ABCD4: variants seen among roughly 807,000 people sequenced by gnomAD.
The protein encoded by ABCD4 is lysosomal cobalamin transporter ABCD4.
Under a neutral mutation model 86.3 loss-of-function variants are expected in ABCD4, and 53 were observed. That is an observed-to-expected ratio of 0.61 (90% CI 0.49 to 0.77). The LOEUF (loss-of-function observed/expected upper bound fraction) is 0.77. Ranked by LOEUF, ABCD4 falls within the 30% of genes least tolerant of loss-of-function variation. The pLI is 0.00. For synonymous variants in ABCD4, 328 were observed against 313.6 expected, an observed-to-expected ratio of 1.05 and a Z score of -0.49; for missense variants, 757 against 764.5, an observed-to-expected ratio of 0.99 and a Z score of 0.12.
rs2083917821 is a variant in ABCD4 at position 74,299,949 on chromosome 14, G to C, written c.157+201C>G. The C allele has an allele frequency of 5.1e-6, 3 of 585,748 alleles. No homozygotes were observed. In the South Asian group the frequency reaches 6.3e-5, roughly 12 times the overall value. 36.3% of individuals were successfully genotyped at this position (585,748 alleles called of 1,614,324 possible). On this transcript the variant is annotated intron_variant, in intron 2 of 18. Coordinates refer to ENST00000356924, the MANE Select transcript of ABCD4 (RefSeq NM_005050.4). ...GTGGTGGTGGGTGCTTGTAATCCCA[G>C]CTACTCAGGAGGCGAAGGCAGGAGA...
chr14:74,293,941 G>A (rs1302090771), intron 7 of ABCD4: 1 of 152,238 alleles, frequency 6.6e-6, no homozygotes, highest in Non-Finnish European at 1.5e-5. Flanking sequence ...AAGGTGGAGG[G>A]AGATTTCAGA....
rs1396027480 is a variant in ABCD4 at position 74,300,238 on chromosome 14, C to A, written c.69G>T (p.Arg23=). The part of the protein sequence containing the change: ...RPRLDLQFLQ[R]FLQILKVLFP... ...ACAAAACCTTCAGTATCTGCAGGAA[C>A]CGCTGGAGAAATTGCAGATCTAACC... The change falls in exon 2 of 19, where the codon CGG becomes CGT. Residue 23 remains arginine (R), a synonymous_variant. Coordinates refer to ENST00000356924, the MANE Select transcript of ABCD4 (RefSeq NM_005050.4). 1 of 1,613,504 alleles carries A rather than the reference C, an allele frequency of 6.2e-7. No individual in the cohort carries two copies. Among genetic ancestry groups the A allele is most frequent in the Non-Finnish European group, 8.5e-7 (1 of 1,179,670 alleles).
At chr14:74,290,556 G>A in intron 11 of ABCD4, 57 bp from the exon 12 acceptor site, 1 of 1,373,420 alleles carries the variant, frequency 7.3e-7, no homozygotes, top group South Asian at 1.2e-5. Flanking sequence ...TATTGCTGTG[G>A]GGGAGGCACT....
At position 74,293,458 on chromosome 14, in the gene ABCD4, A is replaced by G. The variant is rs564384173; in HGVS notation, c.720-210T>C. The G allele has an allele frequency of 3.5e-4, 166 of 474,828 alleles. No individual in the cohort carries two copies. The East Asian group carries it at 5.5e-3, about 16-fold the overall frequency. The allele number at this position is 474,828 out of a possible 1,614,324, so 29.4% of individuals were successfully genotyped here. A position where few individuals can be genotyped will look rare whatever the true frequency, so the allele number is the denominator to read the frequency against. On this transcript the variant is annotated intron_variant, in intron 7 of 18. Transcript: ENST00000356924. ...AAGAACATAAACTCTAGAGTTGGGCAGACCTAGTTCAAATCCTGGCTCTGG... is the reference window on the plus strand; with the variant it reads ...AAGAACATAAACTCTAGAGTTGGGCGGACCTAGTTCAAATCCTGGCTCTGG...
intron 11 of ABCD4, among the ~76,000 whole-genome samples, chr14:74,291,902 G>A (rs74063808): frequency 0.064 from 9,788 of 152,128 alleles, 1,046 homozygotes; most frequent in African/African-American, 0.22. Context: ...AAATATTACA[G>A]ATCCACGCAG....
chr14:74,299,420 T>G (rs1287417197), intron 3 of ABCD4, 128 bp downstream of exon 3: 1 of 1,219,624 alleles, frequency 8.2e-7, no homozygotes, highest in Non-Finnish European at 1.2e-6. Context: ...TCCCTTTAGT[T>G]CCCAGAAAAG....
At chr14:74,302,850 C>G (rs1371634469) in intron 1 of ABCD4, 25 bp downstream of exon 1, 7 of 1,604,814 alleles carry the variant, frequency 4.4e-6, no homozygotes, top group Non-Finnish European at 5.1e-6. Flanking sequence ...TGCTCCCAAA[C>G]CTCCTCCCCG....
chr14:74,296,522 C>G lies in ABCD4; in HGVS notation c.426-73G>C. On this transcript the variant is annotated intron_variant, in intron 4 of 18. Coordinates refer to ENST00000356924, the MANE Select transcript of ABCD4 (RefSeq NM_005050.4). ...AGGTAGAGAGAACAAGAAACTTTCA[C>G]ATCACCTCTGCTCTTGACCTTGCCT... 4.5e-6 allele frequency: 6 copies of G among 1,348,296 alleles called. No homozygotes were observed. The South Asian group carries it at 6.0e-5, about 13-fold the overall frequency. The allele number at this position is 1,348,296 out of a possible 1,614,324, so 83.5% of individuals were successfully genotyped here.
At chr14:74,288,796 C>T in intron 14 of ABCD4, 31 bp from the exon 15 acceptor site, 1 of 1,610,292 alleles carries the variant, frequency 6.2e-7, no homozygotes. Context: ...CTGCAAAAAG[C>T]CAGAGCCTCC....
chr14:74,297,901 T>A, intron 4 of ABCD4, 29 bp downstream of exon 4: 1 of 1,601,606 alleles, frequency 6.2e-7, no homozygotes, highest in Non-Finnish European at 8.5e-7. Context: ...CCACACAGAG[T>A]GTAGAAAGGA....
At chr14:74,287,758 C>T (rs1182492757) in intron 17 of ABCD4, 52 bp downstream of exon 17, 1 of 1,521,590 alleles carries the variant, frequency 6.6e-7, no homozygotes, top group Non-Finnish European at 9.0e-7. Flanking sequence ...TGCTGCTACA[C>T]CCGTGAGTGC....
In ABCD4 at chr14:74,290,370, G is replaced by T; in HGVS notation, c.1248C>A (p.Ser416Arg). 6.2e-7 allele frequency: 1 copy of T among 1,614,164 alleles called. No individual in the cohort carries two copies. The highest frequency in any genetic ancestry group is 8.5e-7 in the Non-Finnish European group (1 of 1,180,032). The part of the protein sequence containing the change: ...DLSLKISEGQ[S>R]LLITGNTGTG... ...TGCCCGTGTTGCCTGTGATGAGCAG[G>T]CTCTGTCCCTCGGAGATCTTTAGGC... The change falls in exon 12 of 19, where the codon AGC becomes AGA. Residue 416 changes from serine (S) to arginine (R), a missense_variant. Coordinates refer to ENST00000356924, the MANE Select transcript of ABCD4 (RefSeq NM_005050.4).
chr14:74,287,759 C>A, intron 17 of ABCD4, 51 bp downstream of exon 17: 1 of 1,530,366 alleles, frequency 6.5e-7, no homozygotes, highest in Non-Finnish European at 8.9e-7. Context: ...GCTGCTACAC[C>A]CGTGAGTGCA....
intron 11 of ABCD4, among the ~76,000 whole-genome samples, chr14:74,291,818 G>A (rs537743326): frequency 2.6e-5 from 4 of 152,294 alleles, no homozygotes; most frequent in South Asian, 2.1e-4. Context: ...CTCCTTTTCA[G>A]ACATGAAGAA....
chr14:74,288,542 C>T (rs2080465292), intron 15 of ABCD4, 174 bp downstream of exon 15: 2 of 723,754 alleles, frequency 2.8e-6, no homozygotes, highest in South Asian at 1.8e-5. Flanking sequence ...AGAGCACTAC[C>T]CCCTTCGTGC....
At chr14:74,296,509 C>A (rs771054162) in intron 4 of ABCD4, 60 bp from the exon 5 acceptor site, 1 of 1,499,572 alleles carries the variant, frequency 6.7e-7, no homozygotes, top group Non-Finnish European at 9.3e-7. Flanking sequence ...GTAGAGAGAA[C>A]AAGAAACTTT....
At chr14:74,302,417 A>G (rs368523609) in intron 1 of ABCD4, among the ~76,000 whole-genome samples, 2 of 152,324 alleles carry the variant, frequency 1.3e-5, no homozygotes, top group East Asian at 3.9e-4. Flanking sequence ...AAATTTACCC[A>G]AGGTGGACCG....
intron 8 of ABCD4, 62 bp from the exon 9 acceptor site, chr14:74,292,931 C>A: frequency 6.2e-7 from 1 of 1,607,832 alleles, no homozygotes. Flanking sequence ...GCGGACACAA[C>A]CCTAAGACAG....
intron 6 of ABCD4, chr14:74,295,617 G>C: frequency 1.7e-6 from 1 of 581,856 alleles, no homozygotes; most frequent in Non-Finnish European, 2.9e-6. Context: ...AGGCAGACAC[G>C]GTTCTCAGAC....
Sources: allele counts gnomAD v4.1 joint callset (sites outside exome capture counted in the v4.1 genomes callset), GRCh38; gene constraint gnomAD v4.1.1; transcripts MANE v1.5; gene names NCBI Gene and HGNC (gene_info 2026-07-23, HGNC 2026-07-21).